RAB3IL1: variants seen among roughly 807,000 people sequenced by gnomAD.
RAB3IL1 encodes the protein RAB3A interacting protein like 1, also known as guanine nucleotide exchange factor for Rab-3A.
A neutral mutation model predicts 49.2 loss-of-function variants in RAB3IL1; 37 were observed. That is an observed-to-expected ratio of 0.75 (90% confidence interval 0.58 to 0.99). RAB3IL1 has a LOEUF of 0.99. Ranked by LOEUF, RAB3IL1 falls within the 50% of genes least tolerant of loss-of-function variation. The pLI, the probability that RAB3IL1 is intolerant of heterozygous loss-of-function variation, is 0.00. For missense variants in RAB3IL1, 484 were observed against 513.0 expected, an observed-to-expected ratio of 0.94 and a Z score of 0.55; for synonymous variants, 193 against 213.9, an observed-to-expected ratio of 0.90 and a Z score of 0.85.
upstream of RAB3IL1, among the ~76,000 whole-genome samples, chr11:61,921,173 A>AT (rs905757168): frequency 2.6e-5 from 4 of 151,678 alleles, no homozygotes; most frequent in East Asian, 3.9e-4. Context: ...TAATTTTTAA[A>AT]TTTTTTTTAT....
chr11:61,920,073 C>G, upstream of RAB3IL1: 1 of 1,284,368 alleles, frequency 7.8e-7, no homozygotes, highest in African/African-American at 1.5e-5. Flanking sequence ...CTCTCAAGTT[C>G]CCCTCAAGTA....
At position 61,898,095 on chromosome 11, in the gene RAB3IL1, A is replaced by G; in HGVS notation, c.*183T>C. The G allele has an allele frequency of 1.6e-6, 1 of 628,246 alleles. No individual in the cohort carries two copies. Among genetic ancestry groups the G allele is most frequent in the Non-Finnish European group, 2.8e-6 (1 of 353,460 alleles). 38.9% of individuals were successfully genotyped at this position (628,246 alleles called of 1,614,324 possible). A position where few individuals can be genotyped will look rare whatever the true frequency, so the allele number is the denominator to read the frequency against. On this transcript the variant is annotated 3_prime_UTR_variant, in exon 10 of 10. Coordinates refer to ENST00000394836, the MANE Select transcript of RAB3IL1 (RefSeq NM_013401.4). This position sits in a 1 kb window ranked among gnomAD's most constrained non-coding sequence, Gnocchi z 5.1. Reference sequence around the variant, plus strand: ...AGAGGGGGGTCTTGCCGTGAAGTCCAGGCCCGTCTGTCCCAGGATGGACGT... The same window carrying G: ...AGAGGGGGGTCTTGCCGTGAAGTCCGGGCCCGTCTGTCCCAGGATGGACGT...
intron 1 of RAB3IL1, among the ~76,000 whole-genome samples, chr11:61,914,626 C>G (rs1939599402): frequency 6.6e-6 from 1 of 152,144 alleles, no homozygotes; most frequent in Non-Finnish European, 1.5e-5. Flanking sequence ...GTTCAGGGCC[C>G]ATGCTCAGGA....
chr11:61,898,372 G>A lies in RAB3IL1; in HGVS notation c.1067-12C>T. Reference sequence around the variant, plus strand: ...GAACATGGGCTCTGCTGCAGGCAGAGAGAGGGTGAACAGGTCGGGGACAGC... The same window carrying A: ...GAACATGGGCTCTGCTGCAGGCAGAAAGAGGGTGAACAGGTCGGGGACAGC... On this transcript the variant is annotated splice_polypyrimidine_tract_variant and intron_variant, in intron 9 of 9. Transcript: ENST00000394836. This position sits in a 1 kb window ranked among gnomAD's most constrained non-coding sequence, Gnocchi z 5.1. 9 of 1,612,768 alleles carry A rather than the reference G, an allele frequency of 5.6e-6. No individual in the cohort carries two copies. Among genetic ancestry groups the A allele is most frequent in the Non-Finnish European group, 7.6e-6 (9 of 1,179,628 alleles).
Position 61,906,693 on chromosome 11 carries a change from G to T in RAB3IL1, c.439-9C>A. 1 of 1,600,626 alleles carries T rather than the reference G, an allele frequency of 6.2e-7. No homozygotes were observed. The stretch of plus-strand genomic sequence containing the variant: ...GCCTGCAGCATGTCGATCTGCATGG[G>T]ATGGGATGGCTGTCAACCCTCACCC... On this transcript the variant is annotated splice_polypyrimidine_tract_variant and intron_variant, in intron 4 of 9. Coordinates refer to ENST00000394836, the MANE Select transcript of RAB3IL1 (RefSeq NM_013401.4). The surrounding 1 kb of genome is among the most constrained non-coding windows in gnomAD (Gnocchi z 4.6).
In RAB3IL1 at chr11:61,906,520, G is replaced by A. The variant is rs138431466; in HGVS notation, c.603C>T (p.Pro201=). The A allele has an allele frequency of 3.3e-5, 52 of 1,556,738 alleles. No homozygotes were observed. Among genetic ancestry groups the A allele is most frequent in the Admixed American group, 1.5e-4 (8 of 51,798 alleles). The part of the protein sequence containing the change: ...RHKSTSSTLC[P]AVCPAAGHTL... ...TGTGTCCCGCAGCGGGACACACGGC[G>A]GGGCAGAGGGTGCTGCTGGTGCTCT... Residue 201 remains proline, a synonymous_variant, in exon 5 of 10, where the codon CCC becomes CCT. Transcript: ENST00000394836. The surrounding 1 kb of genome is among the most constrained non-coding windows in gnomAD (Gnocchi z 4.6).
chr11:61,921,280 C>T (rs1791100864), upstream of RAB3IL1, among the ~76,000 whole-genome samples: 1 of 152,194 alleles, frequency 6.6e-6, no homozygotes, highest in South Asian at 2.1e-4. Context: ...GGCCCGGGGT[C>T]AGACGGGCTG....
chr11:61,927,270 C>T, the RAB3IL1 span, among the ~76,000 whole-genome samples: 3 of 152,110 alleles, frequency 2.0e-5, no homozygotes, highest in African/African-American at 7.2e-5. Context: ...AGGCCCTTAT[C>T]AGAAGGAGAT....
At chr11:61,937,351 G>A in the RAB3IL1 span, among the ~76,000 whole-genome samples, 1 of 152,014 alleles carries the variant, frequency 6.6e-6, no homozygotes, top group African/African-American at 2.4e-5. Context: ...CTGTTGCTTG[G>A]GCTGGAGTGC....
Position 61,904,288 on chromosome 11 carries a change from TG to T in RAB3IL1, c.899+257del, listed in dbSNP as rs1939062755. Among the ~76,000 whole-genome samples, 6 of 151,998 alleles carry T rather than the reference TG, an allele frequency of 3.9e-5. No homozygotes were observed. The South Asian group carries it at 1.2e-3, about 32-fold the overall frequency. On this transcript the variant is annotated intron_variant, in intron 7 of 9. Transcript: ENST00000394836. ...TATTGGCAGGGGCACAGCCAGCAACTGATAATCATGGTTCAAGAAAAGAAGG... is the reference window on the plus strand; with the variant it reads ...TATTGGCAGGGGCACAGCCAGCAACTATAATCATGGTTCAAGAAAAGAAGG...
chr11:61,922,715 C>T (rs561301438), upstream of RAB3IL1, among the ~76,000 whole-genome samples: 20 of 152,278 alleles, frequency 1.3e-4, no homozygotes, highest in Admixed American at 3.3e-4. Flanking sequence ...TGCCCCGCCC[C>T]GCCCAGCGGA....
rs752453813 is a variant in RAB3IL1, at chr11:61,907,378, G to A, written c.438+15C>T. Reference sequence around the variant, plus strand: ...GGTGCCTGGGCTGGCCTGGGCAGGCGGGGATGGGCCTCACCTTGCCCCGAG... The same window carrying A: ...GGTGCCTGGGCTGGCCTGGGCAGGCAGGGATGGGCCTCACCTTGCCCCGAG... On this transcript the variant is annotated intron_variant, in intron 4 of 9. Coordinates refer to ENST00000394836, the MANE Select transcript of RAB3IL1 (RefSeq NM_013401.4). 104 of 1,612,094 alleles carry A rather than the reference G, an allele frequency of 6.5e-5. No homozygotes were observed. The highest frequency in any genetic ancestry group is 5.1e-4 in the East Asian group (23 of 44,866).
the RAB3IL1 span, among the ~76,000 whole-genome samples, chr11:61,928,860 A>G: frequency 7.2e-4 from 109 of 152,342 alleles, no homozygotes; most frequent in African/African-American, 2.5e-3. Flanking sequence ...GCTAGCCACT[A>G]TGAGTAAGAA....
chr11:61,935,395 G>A, the RAB3IL1 span, among the ~76,000 whole-genome samples: 2 of 150,922 alleles, frequency 1.3e-5, no homozygotes, highest in African/African-American at 4.9e-5. Context: ...ACTCCAGCCT[G>A]GGTGAGAGAG....
chr11:61,923,950 A>AGGCCCC (rs1278691821), upstream of RAB3IL1, among the ~76,000 whole-genome samples: 1 of 152,200 alleles, frequency 6.6e-6, no homozygotes, highest in African/African-American at 2.4e-5. Flanking sequence ...GACCAGGCCC[A>AGGCCCC]GGCCCCTCAG....
At chr11:61,916,864 C>T (rs1009817320) in intron 1 of RAB3IL1, among the ~76,000 whole-genome samples, 5 of 152,112 alleles carry the variant, frequency 3.3e-5, no homozygotes, top group African/African-American at 1.2e-4. Context: ...CCACTCCACA[C>T]CTCTGAGAGC....
At chr11:61,912,394 C>T (rs1939491585) in intron 1 of RAB3IL1, among the ~76,000 whole-genome samples, 1 of 152,224 alleles carries the variant, frequency 6.6e-6, no homozygotes, top group African/African-American at 2.4e-5. Context: ...GGTGGGCCAG[C>T]TCTCAGGCCA....
chr11:61,941,904 T>C, the RAB3IL1 span, among the ~76,000 whole-genome samples: 2 of 152,188 alleles, frequency 1.3e-5, no homozygotes, highest in East Asian at 3.9e-4. Context: ...AGCAAGGTAG[T>C]TGAACATATG....
At position 61,898,418 on chromosome 11, in the gene RAB3IL1, T is replaced by C; in HGVS notation, c.1067-58A>G. ...ACAGCTCAGGGTCACCTCGGGCAGA[T>C]GGCCAGGTCCCCTCCTGTGGCTTTG... On this transcript the variant is annotated intron_variant, in intron 9 of 9. Transcript: ENST00000394836. The surrounding 1 kb of genome is among the most constrained non-coding windows in gnomAD (Gnocchi z 5.1). The C allele has an allele frequency of 6.8e-7, 1 of 1,463,884 alleles. No homozygotes were observed. Among genetic ancestry groups the C allele is most frequent in the Non-Finnish European group, 9.5e-7 (1 of 1,048,086 alleles). 90.7% of individuals were successfully genotyped at this position (1,463,884 alleles called of 1,614,324 possible).
Sources: allele counts gnomAD v4.1 joint callset (sites outside exome capture counted in the v4.1 genomes callset), GRCh38; gene constraint gnomAD v4.1.1; non-coding constraint Gnocchi (gnomAD v3.1); transcripts MANE v1.5; gene names NCBI Gene and HGNC (gene_info 2026-07-23, HGNC 2026-07-21).